NFKBIB: variants seen among roughly 807,000 people sequenced by gnomAD.
The protein encoded by NFKBIB is NFKB inhibitor beta, also known as NF-kappa-B inhibitor beta.
In NFKBIB, 16 loss-of-function variants were observed where a neutral mutation model predicts 32.1. The ratio of observed to expected loss-of-function variants is 0.50; its 90% CI spans 0.34 to 0.76. The LOEUF is 0.76. Ranked by LOEUF, NFKBIB falls within the 30% of genes least tolerant of loss-of-function variation. The pLI, the probability that NFKBIB is intolerant of heterozygous loss-of-function variation, is 0.01. For missense variants in NFKBIB, 437 were observed against 514.9 expected, an observed-to-expected ratio of 0.85 and a Z score of 1.46; for synonymous variants, 222 against 219.5, an observed-to-expected ratio of 1.01 and a Z score of -0.10.
rs377088213 is a variant in NFKBIB, at chr19:38,905,172, C to G, written c.286-30C>G. On this transcript the variant is annotated intron_variant, in intron 2 of 5. Coordinates refer to ENST00000313582, the MANE Select transcript of NFKBIB (RefSeq NM_002503.5). This position sits in a 1 kb window ranked among gnomAD's most constrained non-coding sequence, Gnocchi z 5.5. ...TTGGGGTCCAGGGTTCCCAGTGTGA[C>G]TCCCTACCGCCTGTCCTCTGCTTCT... 6.2e-7 allele frequency: 1 copy of G among 1,609,008 alleles called. No homozygotes were observed.
At chr19:38,899,770 G>C (rs940146891), upstream of NFKBIB, 3 of 679,282 alleles carry the variant, frequency 4.4e-6, no homozygotes, top group Non-Finnish European at 7.5e-6. Context: ...CGGACTACGA[G>C]TCCCAGAAGG....
rs764003595 is a variant in NFKBIB at position 38,908,707 on chromosome 19, C to T, written c.970-24C>T. 4 of 1,602,576 alleles carry T rather than the reference C, an allele frequency of 2.5e-6. No individual in the cohort carries two copies. In the South Asian group the frequency reaches 4.4e-5, roughly 18 times the overall value. ...CAAAGTGACAGCCGCCTGAGCCCCT[C>T]TGCCTGGTCCCCTTTGCCCCCAGGA... On this transcript the variant is annotated intron_variant, in intron 5 of 5. Coordinates refer to ENST00000313582, the MANE Select transcript of NFKBIB (RefSeq NM_002503.5).
chr19:38,899,716 C>T, upstream of NFKBIB: 1 of 830,130 alleles, frequency 1.2e-6, no homozygotes, highest in East Asian at 2.7e-5. Flanking sequence ...CGCTTTCGTA[C>T]AACACCCAGA....
chr19:38,901,980 C>T (rs938611410), intron 1 of NFKBIB, among the ~76,000 whole-genome samples: 37 of 151,470 alleles, frequency 2.4e-4, no homozygotes, highest in African/African-American at 8.7e-4. Flanking sequence ...ATTCTACTTA[C>T]CTATGTTTTC....
intron 5 of NFKBIB, 28 bp downstream of exon 5, chr19:38,907,687 C>T (rs1974185730): frequency 1.3e-6 from 2 of 1,573,886 alleles, no homozygotes; most frequent in African/African-American, 1.3e-5. Context: ...ACAGGGCAGC[C>T]CAGCTGGGGG....
rs772008394 is a variant in NFKBIB at position 38,905,674 on chromosome 19, G to A, written c.619+139G>A. ...TCAGGAGCCCACACATCGGGACCAGGGACCTCCACTCAGGGCCCAGATGAT... is the reference window on the plus strand; with the variant it reads ...TCAGGAGCCCACACATCGGGACCAGAGACCTCCACTCAGGGCCCAGATGAT... On this transcript the variant is annotated intron_variant, in intron 3 of 5. Transcript: ENST00000313582. This position sits in a 1 kb window ranked among gnomAD's most constrained non-coding sequence, Gnocchi z 5.5. The A allele has an allele frequency of 1.5e-6, 1 of 662,130 alleles. No individual in the cohort carries two copies. Among genetic ancestry groups the A allele is most frequent in the Non-Finnish European group, 2.5e-6 (1 of 394,348 alleles). The allele number at this position is 662,130 out of a possible 1,614,324, so 41.0% of individuals were successfully genotyped here. A position where few individuals can be genotyped will look rare whatever the true frequency, so the allele number is the denominator to read the frequency against.
rs1291880670 is a variant in NFKBIB, at chr19:38,899,970, A to G, written c.-63A>G. ...ATTTCCCGCAGGGCGGAAGCTCCAG[A>G]ACTCCCGGCAAAGCCCAGCTACAGG... On this transcript the variant is annotated 5_prime_UTR_variant, in exon 1 of 6. Transcript: ENST00000313582. 1 of 1,424,260 alleles carries G rather than the reference A, an allele frequency of 7.0e-7. No homozygotes were observed. Among genetic ancestry groups the G allele is most frequent in the Non-Finnish European group, 9.2e-7 (1 of 1,087,196 alleles). 88.2% of individuals were successfully genotyped at this position (1,424,260 alleles called of 1,614,324 possible). A position where few individuals can be genotyped will look rare whatever the true frequency, so the allele number is the denominator to read the frequency against.
intron 5 of NFKBIB, 152 bp downstream of exon 5, chr19:38,907,811 G>C (rs953192717): frequency 8.8e-5 from 126 of 1,436,802 alleles, no homozygotes; most frequent in Non-Finnish European, 1.1e-4. Flanking sequence ...AGTCAGGAGA[G>C]ACCTGGACAG....
chr19:38,906,594 C>T (rs1010795417), intron 3 of NFKBIB, among the ~76,000 whole-genome samples: 1 of 151,358 alleles, frequency 6.6e-6, no homozygotes, highest in South Asian at 2.1e-4. Context: ...CTCAGCCTCC[C>T]GAGTAGCTGG....
intron 1 of NFKBIB, among the ~76,000 whole-genome samples, chr19:38,900,777 C>A (rs1205357957): frequency 1.3e-5 from 2 of 152,208 alleles, no homozygotes; most frequent in East Asian, 3.8e-4. Flanking sequence ...AACAAATATT[C>A]TTTACACATT....
chr19:38,900,161 G>T lies in NFKBIB; in HGVS notation c.129G>T (p.Gly43=). 1 of 1,601,830 alleles carries T rather than the reference G, an allele frequency of 6.2e-7. No individual in the cohort carries two copies. Among genetic ancestry groups the T allele is most frequent in the Non-Finnish European group, 8.5e-7 (1 of 1,176,244 alleles). Reference sequence around the variant, plus strand: ...GGTTGGGCGCGGAGTTGGGCCCGGGGCTGTCGTGGGCTCCCCTCGTCTTCG... The same window carrying T: ...GGTTGGGCGCGGAGTTGGGCCCGGGTCTGTCGTGGGCTCCCCTCGTCTTCG... ...GPGLGAELGP[G]LSWAPLVFGY... is the part of the protein sequence containing the mutation. Residue 43 remains glycine (G), a synonymous_variant, in exon 1 of 6, where the codon GGG becomes GGT. Coordinates refer to ENST00000313582, the MANE Select transcript of NFKBIB (RefSeq NM_002503.5).
Position 38,908,820 on chromosome 19 carries a change from CCGCCCCG to C in NFKBIB, c.1060_1066del (p.Arg354CysfsTer7). ...CCTCAAAACCTCTTCCTGACGACCCCCGCCCCGTGTGATTTGTTTCATTGTTAATATA... is the reference window on the plus strand; with the variant it reads ...CCTCAAAACCTCTTCCTGACGACCCCTGTGATTTGTTTCATTGTTAATATA... On this transcript the variant is annotated frameshift_variant, in exon 6 of 6. Coordinates refer to ENST00000313582, the MANE Select transcript of NFKBIB (RefSeq NM_002503.5). LOFTEE classifies it high-confidence loss of function. 2.5e-6 allele frequency: 4 copies of C among 1,610,700 alleles called. No individual in the cohort carries two copies. Among genetic ancestry groups the C allele is most frequent in the Non-Finnish European group, 3.4e-6 (4 of 1,179,204 alleles).
intron 1 of NFKBIB, among the ~76,000 whole-genome samples, chr19:38,902,081 A>ATTTTTTTTTTTTTT (rs1220793422): frequency 1.8e-5 from 1 of 56,462 alleles, no homozygotes; most frequent in African/African-American, 5.4e-5. Context: ...TTTTCATTTT[A>ATTTTTTTTTTTTTT]TTTCTTTTTT....
Position 38,902,085 on chromosome 19 carries a change from C to CTTTTCTTTTTTT in NFKBIB, c.179+1878_179+1879insCTTTTTTTTTTT, listed in dbSNP as rs1555739746. ...CTGTATAGTGTTTTTCATTTTATTT[C>CTTTTCTTTTTTT]TTTTTTTTTTTTTGAGATGGAGTCT... is the stretch of plus-strand genomic sequence containing the variant. On this transcript the variant is annotated intron_variant, in intron 1 of 5. Transcript: ENST00000313582. 2.2e-4 allele frequency among the ~76,000 whole-genome samples: 20 copies of CTTTTCTTTTTTT among 92,386 alleles called. 3 individuals carry two copies. Among genetic ancestry groups the CTTTTCTTTTTTT allele is most frequent in the Non-Finnish European group, 3.5e-4 (17 of 49,174 alleles). 60.6% of individuals were successfully genotyped at this position (92,386 alleles called of 152,430 possible). A position where few individuals can be genotyped will look rare whatever the true frequency, so the allele number is the denominator to read the frequency against.
At chr19:38,899,853 C>T (rs893454259), upstream of NFKBIB, 3 of 740,620 alleles carry the variant, frequency 4.1e-6, no homozygotes, top group East Asian at 5.4e-5. Context: ...GTAGTCCTCC[C>T]GAATACTCTG....
At position 38,908,794 on chromosome 19, in the gene NFKBIB, G is replaced by A. The variant is rs1206111995; in HGVS notation, c.1033G>A (p.Ala345Thr). 6.2e-7 allele frequency: 1 copy of A among 1,613,664 alleles called. No homozygotes were observed. The highest frequency in any genetic ancestry group is 1.1e-5 in the South Asian group (1 of 91,034). ...CCAAACCCGGCTGCCTCCCACCCCA[G>A]CCTCAAAACCTCTTCCTGACGACCC... ...RSQTRLPPTP[A>T]SKPLPDDPRP... Residue 345 changes from alanine (A) to threonine (T), a missense_variant, in exon 6 of 6, where the codon GCC becomes ACC. By Grantham distance (58) the Ala-to-Thr change is moderately conservative. Coordinates refer to ENST00000313582, the MANE Select transcript of NFKBIB (RefSeq NM_002503.5).
chr19:38,900,260 A>T (rs762627151), intron 1 of NFKBIB, 49 bp downstream of exon 1: 1 of 1,518,250 alleles, frequency 6.6e-7, no homozygotes, highest in Non-Finnish European at 8.8e-7. Context: ...CCGGCGTCAC[A>T]TTCCTCATTA....
rs189461298 is a variant in NFKBIB at position 38,905,193 on chromosome 19, C to T, written c.286-9C>T. 7.5e-6 allele frequency: 12 copies of T among 1,602,102 alleles called. No individual in the cohort carries two copies. Among genetic ancestry groups the T allele is most frequent in the Admixed American group, 6.8e-5 (4 of 58,930 alleles). On this transcript the variant is annotated splice_polypyrimidine_tract_variant and intron_variant, in intron 2 of 5. Transcript: ENST00000313582. The surrounding 1 kb of genome is among the most constrained non-coding windows in gnomAD (Gnocchi z 5.5). ...GTGACTCCCTACCGCCTGTCCTCTG[C>T]TTCTGCAGACAGCCCTGCACCTGGC...
intron 3 of NFKBIB, among the ~76,000 whole-genome samples, chr19:38,906,323 T>C (rs1248216623): frequency 1.3e-5 from 2 of 151,486 alleles, no homozygotes; most frequent in Admixed American, 6.6e-5. Flanking sequence ...TTTGTATTTT[T>C]AGTAGAGACG....
Sources: gnomAD v4.1 joint callset for allele counts (sites outside exome capture counted in the v4.1 genomes callset) on GRCh38, gnomAD v4.1.1 for gene constraint, Gnocchi (gnomAD v3.1) non-coding constraint, MANE v1.5 for transcripts, NCBI Gene and HGNC (gene_info 2026-07-23, HGNC 2026-07-21) for gene names.